The following FGF13 variants were observed in gnomAD, a reference collection of about 807,000 sequenced individuals.
FGF13 encodes fibroblast growth factor homologous factor 2.
In FGF13, 2 loss-of-function variants were observed where a neutral mutation model predicts 19.5. The observed-to-expected ratio is 0.10, with a 90% CI of 0.04 to 0.32. The LOEUF is 0.32. Among genes scored for constraint, FGF13 ranks in the 10% least tolerant of loss-of-function variants. FGF13 has a pLI of 1.00. For synonymous variants in FGF13, 72 were observed against 76.9 expected (o/e 0.94, Z 0.33); for missense variants, 113 against 192.7 (o/e 0.59, Z 2.45).
chrX:138,996,972 C>A (rs2092046041), intron 1 of FGF13, among the ~76,000 whole-genome samples: 1 of 112,047 alleles, frequency 8.9e-6, no homozygotes, highest in Admixed American at 9.4e-5. Flanking sequence ...GACAAAACTT[C>A]CAGAGGAAGT....
intron 1 of FGF13, among the ~76,000 whole-genome samples, chrX:139,060,215 T>A (rs2092332353): frequency 9.0e-6 from 1 of 111,270 alleles, no homozygotes; most frequent in Non-Finnish European, 1.9e-5. Flanking sequence ...ATTTCTTCTA[T>A]TATTTATATT....
At chrX:139,169,779 T>G (rs1454585278) in intron 1 of FGF13, among the ~76,000 whole-genome samples, 1 of 111,583 alleles carries the variant, frequency 9.0e-6, no homozygotes, top group African/African-American at 3.3e-5. Flanking sequence ...AGTGAGAGCC[T>G]CTAAAAGAGA....
intron 3 of FGF13, among the ~76,000 whole-genome samples, chrX:138,776,117 T>A (rs1298521145): frequency 1.8e-5 from 2 of 112,281 alleles, no homozygotes; most frequent in Non-Finnish European, 1.9e-5. Flanking sequence ...GAGTTCCTCA[T>A]ATGCAGCTTC....
chrX:138,921,332 T>C (rs1333798443), intron 1 of FGF13, among the ~76,000 whole-genome samples: 3 of 111,968 alleles, frequency 2.7e-5, no homozygotes, highest in Non-Finnish European at 3.8e-5. Flanking sequence ...AACTCCAAAG[T>C]GTGTAAAGGC....
Position 138,617,480 on chromosome X carries a change from C to G in FGF13, c.*15370G>C, listed in dbSNP as rs1413547034. ...AAATTTGTTAGAGGTGTGGACCAAG[C>G]CAAATTAAATTGTAACTATAAGTTT... On this transcript the variant is annotated 3_prime_UTR_variant, in exon 5 of 5. Transcript: ENST00000315930. The G allele has an allele frequency of 9.0e-6, 1 of 111,570 alleles. No individual in the cohort carries two copies. The highest frequency in any genetic ancestry group is 1.9e-5 in the Non-Finnish European group (1 of 53,103). 9.2% of individuals were successfully genotyped at this position (111,570 alleles called of 1,213,427 possible).
At chrX:139,067,538 T>C (rs776211406) in intron 1 of FGF13, among the ~76,000 whole-genome samples, 1 of 111,768 alleles carries the variant, frequency 8.9e-6, no homozygotes, top group African/African-American at 3.3e-5. Flanking sequence ...TCACAATTGC[T>C]ACTAAAAGAA....
intron 1 of FGF13, among the ~76,000 whole-genome samples, chrX:139,189,421 T>C (rs943009948): frequency 3.6e-5 from 4 of 111,389 alleles, no homozygotes; most frequent in South Asian, 3.8e-4. Flanking sequence ...ATAAGCCAAA[T>C]GTGGTCTATA....
intron 3 of FGF13, among the ~76,000 whole-genome samples, chrX:138,746,158 A>G (rs889452001): frequency 1.8e-5 from 2 of 111,511 alleles, no homozygotes; most frequent in African/African-American, 6.5e-5. Context: ...TAGGCAGGGA[A>G]TAATTTAGGA....
intron 3 of FGF13, among the ~76,000 whole-genome samples, chrX:138,665,008 G>A (rs1398845906): frequency 9.0e-6 from 1 of 110,888 alleles, no homozygotes; most frequent in African/African-American, 3.3e-5. Context: ...GGAAGTGAGG[G>A]AACACAACCA....
At chrX:138,712,274 GT>G (rs2090062472), upstream of FGF13, 1 of 111,707 alleles carries the variant, frequency 9.0e-6, no homozygotes, top group African/African-American at 3.3e-5. Context: ...CCACCCAGTG[GT>G]TTTTGCTGAC....
At chrX:138,931,294 A>T (rs990154572) in intron 1 of FGF13, among the ~76,000 whole-genome samples, 2 of 111,182 alleles carry the variant, frequency 1.8e-5, no homozygotes, top group Non-Finnish European at 3.8e-5. Context: ...CCTAGGCAGC[A>T]GGGCTGTGGG....
intron 1 of FGF13, among the ~76,000 whole-genome samples, chrX:138,888,699 GA>G (rs373787930): frequency 0.095 from 9,166 of 96,599 alleles, 1,075 homozygotes; most frequent in African/African-American, 0.31. Flanking sequence ...CCAAGAAAAA[GA>G]AAAAAAAAAA....
At chrX:138,634,244 G>T (rs768596863) in intron 4 of FGF13, among the ~76,000 whole-genome samples, 2 of 111,429 alleles carry the variant, frequency 1.8e-5, no homozygotes, top group Non-Finnish European at 3.8e-5. Flanking sequence ...GCCCAGGCTG[G>T]AGTCCAGTGG....
chrX:138,736,995 C>T (rs980379162), intron 1 of FGF13, among the ~76,000 whole-genome samples: 1 of 111,280 alleles, frequency 9.0e-6, no homozygotes, highest in Non-Finnish European at 1.9e-5. Flanking sequence ...AGGTTAAAAA[C>T]AAGATTGAAA....
At chrX:138,718,927 C>T (rs903408541) in intron 1 of FGF13, among the ~76,000 whole-genome samples, 2 of 112,134 alleles carry the variant, frequency 1.8e-5, no homozygotes, top group Admixed American at 9.4e-5. Flanking sequence ...TAACCTTAAT[C>T]CCTTTAATCC....
At chrX:138,708,772 T>C (rs1301563258) in intron 2 of FGF13, 46 bp downstream of exon 2, 1 of 827,775 alleles carries the variant, frequency 1.2e-6, no homozygotes, top group East Asian at 3.2e-5. Flanking sequence ...AAAAACAGAA[T>C]GTTAACAACA....
chrX:139,005,231 G>C (rs774456684), intron 1 of FGF13, among the ~76,000 whole-genome samples: 13 of 86,570 alleles, frequency 1.5e-4, no homozygotes, highest in Admixed American at 5.0e-4. Context: ...GTACAGAACA[G>C]ACAGACAGAC....
chrX:139,186,593 T>C (rs1170221447), intron 1 of FGF13, among the ~76,000 whole-genome samples: 1 of 111,408 alleles, frequency 9.0e-6, no homozygotes, highest in East Asian at 2.8e-4. Flanking sequence ...AAATCCAAAC[T>C]CTTCATCCTC....
At chrX:138,747,087 A>T in intron 3 of FGF13, among the ~76,000 whole-genome samples, 1 of 111,436 alleles carries the variant, frequency 9.0e-6, no homozygotes, top group Middle Eastern at 4.2e-3. Context: ...ACCAATTCTC[A>T]TCAGAAAGAA....
Sources: gnomAD v4.1 joint callset for allele counts (sites outside exome capture counted in the v4.1 genomes callset) on GRCh38, gnomAD v4.1.1 for gene constraint, MANE v1.5 for transcripts, NCBI Gene and HGNC (gene_info 2026-07-23, HGNC 2026-07-21) for gene names.